Variants in CACNA1S observed in about 807,000 individuals in gnomAD.
The protein encoded by CACNA1S is voltage-dependent L-type calcium channel subunit alpha-1S.
CACNA1S carries 126 observed loss-of-function variants against 207.4 expected under a neutral mutation model. That is an observed-to-expected ratio of 0.61 (90% CI 0.53 to 0.70). CACNA1S has a LOEUF of 0.70. Among genes scored for constraint, CACNA1S ranks in the 30% least tolerant of loss-of-function variants. CACNA1S has a pLI of 0.00. For synonymous variants in CACNA1S, 960 were observed against 932.7 expected, an observed-to-expected ratio of 1.03 and a Z score of -0.53; for missense variants, 2,349 against 2,422.8, an observed-to-expected ratio of 0.97 and a Z score of 0.64.
intron 2 of CACNA1S, among the ~76,000 whole-genome samples, chr1:201,107,401 C>A (rs1236885323): frequency 1.3e-5 from 2 of 152,208 alleles, no homozygotes; most frequent in Non-Finnish European, 2.9e-5. Flanking sequence ...AAATCTTGAA[C>A]CTTTCCCATT....
At chr1:201,044,235 C>T in intron 39 of CACNA1S, 93 bp downstream of exon 39, 1 of 1,537,886 alleles carries the variant, frequency 6.5e-7, no homozygotes, top group Non-Finnish European at 8.9e-7. Context: ...CCATGTCCCC[C>T]TCTCGTGTGG....
chr1:201,093,739 G>A lies in CACNA1S; in HGVS notation c.398+143C>T, dbSNP rs576043872. ...ACATGGACAGCTCCCTTGCTGGGCC[G>A]GCCTCTAACAGAGGCTGCTCCATGC... is the stretch of plus-strand genomic sequence containing the variant. On this transcript the variant is annotated intron_variant, in intron 3 of 43. Transcript: ENST00000362061. 1.2e-3 allele frequency: 1,200 copies of A among 1,003,088 alleles called. 4 individuals are homozygous for A. The highest frequency in any genetic ancestry group is 5.1e-3 in the South Asian group (384 of 74,664). 62.1% of individuals were successfully genotyped at this position (1,003,088 alleles called of 1,614,324 possible).
chr1:201,068,336 A>G (rs1054679205), intron 19 of CACNA1S, among the ~76,000 whole-genome samples: 6 of 135,080 alleles, frequency 4.4e-5, no homozygotes, highest in Non-Finnish European at 9.1e-5. Flanking sequence ...TCTGCCTCCC[A>G]GGTTCAAGCA....
intron 2 of CACNA1S, among the ~76,000 whole-genome samples, chr1:201,099,241 T>C (rs1662552097): frequency 6.6e-6 from 1 of 152,190 alleles, no homozygotes; most frequent in South Asian, 2.1e-4. Flanking sequence ...ATACCACACC[T>C]TCTTCCCCTG....
At chr1:201,072,949 G>A in intron 15 of CACNA1S, 125 bp from the exon 16 acceptor site, 1 of 801,422 alleles carries the variant, frequency 1.2e-6, no homozygotes, top group South Asian at 1.4e-5. Flanking sequence ...TAAGGAACAG[G>A]GAATATTATG....
chr1:201,083,870 CA>C (rs1661931682), intron 9 of CACNA1S, among the ~76,000 whole-genome samples: 1 of 152,208 alleles, frequency 6.6e-6, no homozygotes, highest in African/African-American at 2.4e-5. Context: ...CCTCCCACCT[CA>C]GACTTCCGAG....
intron 17 of CACNA1S, among the ~76,000 whole-genome samples, 165 bp from the exon 18 acceptor site, chr1:201,069,766 G>T (rs1010614036): frequency 6.6e-6 from 1 of 152,104 alleles, no homozygotes; most frequent in Admixed American, 6.5e-5. Flanking sequence ...GGACACACAG[G>T]GGGCCCTGAC....
Position 201,110,263 on chromosome 1 carries a change from G to A in CACNA1S, c.159C>T (p.Phe53=), listed in dbSNP as rs199720439. Residue 53 remains phenylalanine (F), a synonymous_variant, in exon 2 of 44, where the codon TTC becomes TTT. Coordinates refer to ENST00000362061, the MANE Select transcript of CACNA1S (RefSeq NM_000069.3). ...ACISIVEWKP[F]ETIILLTIFA... ...AGATGGTGAGCAAGATGATCGTCTC[G>A]AAGGGCCTGGAGCCAGGGTTAAGGA... The A allele has an allele frequency of 8.7e-6, 14 of 1,614,148 alleles. No individual in the cohort carries two copies. In the South Asian group the frequency reaches 1.1e-4, roughly 13 times the overall value.
rs772545372 is a variant in CACNA1S at position 201,066,366 on chromosome 1, C to A, written c.2658-50G>T. The A allele has an allele frequency of 6.6e-7, 1 of 1,525,042 alleles. No homozygotes were observed. The highest frequency in any genetic ancestry group is 9.0e-7 in the Non-Finnish European group (1 of 1,110,078). 94.5% of individuals were successfully genotyped at this position (1,525,042 alleles called of 1,614,324 possible). On this transcript the variant is annotated intron_variant, in intron 20 of 43. Transcript: ENST00000362061. The surrounding 1 kb of genome is among the most constrained non-coding windows in gnomAD (Gnocchi z 4.3). ...GCTGAGGGCAGCCTGCTCCAGCCAG[C>A]CCAGTCTGCGGTGGAGCCTCCAGCC...
intron 14 of CACNA1S, among the ~76,000 whole-genome samples, chr1:201,074,254 G>T (rs1661527713): frequency 6.6e-6 from 1 of 152,214 alleles, no homozygotes; most frequent in African/African-American, 2.4e-5. Flanking sequence ...TGCCCAACTG[G>T]CCAGGCTCTG....
At chr1:201,069,965 G>A (rs1296108612) in intron 17 of CACNA1S, among the ~76,000 whole-genome samples, 1 of 152,166 alleles carries the variant, frequency 6.6e-6, no homozygotes, top group East Asian at 1.9e-4. Flanking sequence ...GTTTAAAGGT[G>A]TAAAATTATG....
intron 34 of CACNA1S, among the ~76,000 whole-genome samples, chr1:201,049,727 T>C (rs1385955579): frequency 6.6e-6 from 1 of 152,128 alleles, no homozygotes; most frequent in Non-Finnish European, 1.5e-5. Context: ...TGAGGACCTG[T>C]GGGTGGCTGG....
intron 1 of CACNA1S, among the ~76,000 whole-genome samples, chr1:201,111,240 C>T (rs941872569): frequency 3.3e-5 from 5 of 152,104 alleles, no homozygotes; most frequent in South Asian, 2.1e-4. Context: ...ACTTGCCCCA[C>T]GTTTCTCTTG....
chr1:201,092,084 G>A lies in CACNA1S; in HGVS notation c.429C>T (p.Asn143=), dbSNP rs553580116. 15 of 1,614,092 alleles carry A rather than the reference G, an allele frequency of 9.3e-6. No individual in the cohort carries two copies. Among genetic ancestry groups the A allele is most frequent in the East Asian group, 6.7e-5 (3 of 44,874 alleles). ...TTGGGGCTGTGTGGCTTTGGATGAC[G>A]TTAACCTGTTCCAGAATCACGGTGA... ...GVFTVILEQV[N]VIQSHTAPMS... Residue 143 remains asparagine, a synonymous_variant, in exon 4 of 44, where the codon AAC becomes AAT. Coordinates refer to ENST00000362061, the MANE Select transcript of CACNA1S (RefSeq NM_000069.3).
chr1:201,048,503 C>A lies in CACNA1S; in HGVS notation c.4441+79G>T, dbSNP rs1450475736. 4 of 1,213,770 alleles carry A rather than the reference C, an allele frequency of 3.3e-6. No individual in the cohort carries two copies. In the African/African-American group the frequency reaches 5.9e-5, roughly 18 times the overall value. 75.2% of individuals were successfully genotyped at this position (1,213,770 alleles called of 1,614,324 possible). On this transcript the variant is annotated intron_variant, in intron 36 of 43. Transcript: ENST00000362061. ...CACAGTTCTTAAGAGCAATCTTGAG[C>A]TCTGAGAATCTGGCAGAATCTGTGC...
rs992826915 is a variant in CACNA1S at position 201,066,081 on chromosome 1, T to C, written c.2746-136A>G. On this transcript the variant is annotated intron_variant, in intron 21 of 43. Coordinates refer to ENST00000362061, the MANE Select transcript of CACNA1S (RefSeq NM_000069.3). This position sits in a 1 kb window ranked among gnomAD's most constrained non-coding sequence, Gnocchi z 4.3. Reference sequence around the variant, plus strand: ...GTGGGGAAAGGCTGGTGGGGAAGCATAGCTACCCCAGCCTCATCCTTACCC... The same window carrying C: ...GTGGGGAAAGGCTGGTGGGGAAGCACAGCTACCCCAGCCTCATCCTTACCC... The C allele has an allele frequency of 3.2e-6, 3 of 925,350 alleles. No homozygotes were observed. The highest frequency in any genetic ancestry group is 1.6e-5 in the African/African-American group (1 of 60,974). The allele number at this position is 925,350 out of a possible 1,614,324, so 57.3% of individuals were successfully genotyped here. A position where few individuals can be genotyped will look rare whatever the true frequency, so the allele number is the denominator to read the frequency against.
At chr1:201,096,307 A>G (rs1282719772) in intron 2 of CACNA1S, among the ~76,000 whole-genome samples, 1 of 152,246 alleles carries the variant, frequency 6.6e-6, no homozygotes, top group Non-Finnish European at 1.5e-5. Flanking sequence ...GTGTGCACAC[A>G]GTGTGAGCCC....
At position 201,072,789 on chromosome 1, in the gene CACNA1S, C is replaced by T; in HGVS notation, c.2193G>A (p.Glu731=). 1.9e-6 allele frequency: 3 copies of T among 1,613,934 alleles called. No individual in the cohort carries two copies. Among genetic ancestry groups the T allele is most frequent in the Admixed American group, 1.7e-5 (1 of 60,026 alleles). ...CGGCTGAGGGGTAGGGATCCTTCAC[C>T]TCATTGACATTAGATTCAAACTCAT... ...KIDEFESNVN[E]VKDPYPSADF... is the part of the protein sequence containing the mutation. Residue 731 remains glutamate (E), a synonymous_variant, in exon 16 of 44, where the codon GAG becomes GAA. Coordinates refer to ENST00000362061, the MANE Select transcript of CACNA1S (RefSeq NM_000069.3).
At chr1:201,101,701 T>A (rs1230623857) in intron 2 of CACNA1S, among the ~76,000 whole-genome samples, 2 of 152,296 alleles carry the variant, frequency 1.3e-5, no homozygotes, top group African/African-American at 4.8e-5. Context: ...GCATGCAGGA[T>A]GAACAGGGGG....
Sources: allele counts gnomAD v4.1 joint callset (sites outside exome capture counted in the v4.1 genomes callset), GRCh38; gene constraint gnomAD v4.1.1; non-coding constraint Gnocchi (gnomAD v3.1); transcripts MANE v1.5; gene names NCBI Gene and HGNC (gene_info 2026-07-23, HGNC 2026-07-21).